THSD7B: variants seen among roughly 807,000 people sequenced by gnomAD.
THSD7B encodes the protein thrombospondin type-1 domain-containing protein 7B.
THSD7B carries 138 observed loss-of-function variants against 213.6 expected under a neutral mutation model. The observed-to-expected ratio is 0.65, with a 90% CI of 0.56 to 0.74. THSD7B has a LOEUF of 0.74. Among genes scored for constraint, THSD7B ranks in the 30% least tolerant of loss-of-function variants. The pLI, the probability that THSD7B is intolerant of heterozygous loss-of-function variation, is 0.00. For synonymous variants in THSD7B, 742 were observed against 687.0 expected (o/e 1.08, Z -1.25); for missense variants, 1,931 against 1,991.5 (o/e 0.97, Z 0.58).
intron 10 of THSD7B, among the ~76,000 whole-genome samples, chr2:137,255,903 G>A (rs1573915022): frequency 1.3e-5 from 2 of 152,158 alleles, no homozygotes; most frequent in East Asian, 3.9e-4. Flanking sequence ...GCCCAGGATG[G>A]TCTCAAACTC....
At chr2:137,006,559 T>C (rs1193677393) in intron 2 of THSD7B, among the ~76,000 whole-genome samples, 1 of 152,132 alleles carries the variant, frequency 6.6e-6, no homozygotes, top group Admixed American at 6.5e-5. Flanking sequence ...GCTTGACAAG[T>C]CTCTTCTATA....
chr2:137,311,110 C>A (rs1307090916), intron 12 of THSD7B, among the ~76,000 whole-genome samples: 1 of 151,122 alleles, frequency 6.6e-6, no homozygotes, highest in African/African-American at 2.4e-5. Context: ...TGGCCATTTT[C>A]ACGATATTGA....
intron 14 of THSD7B, among the ~76,000 whole-genome samples, chr2:137,433,434 A>G (rs979888126): frequency 2.6e-5 from 4 of 151,930 alleles, no homozygotes; most frequent in Admixed American, 6.6e-5. Context: ...TCTGCTCTCA[A>G]CAATCTCCAC....
Position 137,229,248 on chromosome 2 carries a change from T to C in THSD7B, c.1724-1796T>C, listed in dbSNP as rs145906963. ...TTTAAAGTATTTTGTGCACAGATTA[T>C]GTTAATAATATTCACAAGTGTGGAA... On this transcript the variant is annotated intron_variant, in intron 7 of 27. Transcript: ENST00000409968. 3.3e-4 allele frequency among the ~76,000 whole-genome samples: 50 copies of C among 152,320 alleles called. No homozygotes were observed. The East Asian group carries it at 9.3e-3, about 28-fold the overall frequency.
intron 3 of THSD7B, among the ~76,000 whole-genome samples, chr2:137,064,680 T>C (rs941698728): frequency 2.0e-5 from 3 of 152,010 alleles, no homozygotes; most frequent in Admixed American, 2.0e-4. Context: ...TTTGATTTTT[T>C]TGTATGGTGA....
intron 1 of THSD7B, among the ~76,000 whole-genome samples, chr2:136,818,470 T>C (rs907381861): frequency 2.1e-4 from 31 of 151,200 alleles, no homozygotes; most frequent in Admixed American, 1.1e-3. Flanking sequence ...GTGGGTGCAG[T>C]GCACCAGCAT....
chr2:137,473,547 A>G (rs185504337), intron 15 of THSD7B, among the ~76,000 whole-genome samples: 1 of 152,180 alleles, frequency 6.6e-6, no homozygotes, highest in Non-Finnish European at 1.5e-5. Context: ...CAAGTCCTTC[A>G]TATCAAGAGA....
chr2:137,424,200 A>T (rs1429424378), intron 14 of THSD7B, among the ~76,000 whole-genome samples: 2 of 152,086 alleles, frequency 1.3e-5, no homozygotes, highest in African/African-American at 4.8e-5. Flanking sequence ...CTAAAATTAT[A>T]AAAAAATTAT....
chr2:137,213,660 A>G (rs10173777), intron 7 of THSD7B, among the ~76,000 whole-genome samples: 90,574 of 151,650 alleles, frequency 0.6, 27,468 homozygotes, highest in South Asian at 0.71. Flanking sequence ...TATCCCTAGT[A>G]TTCTCCCTGT....
At chr2:137,646,021 A>T (rs1300143241) in intron 21 of THSD7B, among the ~76,000 whole-genome samples, 1 of 152,242 alleles carries the variant, frequency 6.6e-6, no homozygotes, top group African/African-American at 2.4e-5. Flanking sequence ...ATTTAGATTT[A>T]AAATTATGGT....
chr2:137,079,410 T>C (rs940654945), intron 3 of THSD7B, among the ~76,000 whole-genome samples: 1 of 152,220 alleles, frequency 6.6e-6, no homozygotes, highest in Non-Finnish European at 1.5e-5. Context: ...ATATGGTGCA[T>C]AGATATTCAA....
chr2:136,913,435 T>C (rs1573706956), intron 2 of THSD7B, among the ~76,000 whole-genome samples: 1 of 152,234 alleles, frequency 6.6e-6, no homozygotes, highest in African/African-American at 2.4e-5. Flanking sequence ...TTAACGTAAG[T>C]AGCAAGGAGC....
intron 12 of THSD7B, among the ~76,000 whole-genome samples, chr2:137,325,822 G>C (rs558418331): frequency 2.6e-5 from 4 of 152,236 alleles, no homozygotes; most frequent in Admixed American, 6.5e-5. Flanking sequence ...TGTCTGCTTC[G>C]CAGTGCTTCT....
rs2104863152 is a variant in THSD7B, at chr2:137,312,112, T to A, written c.2500+36086T>A. Among the ~76,000 whole-genome samples the A allele has an allele frequency of 1.3e-5, 2 of 151,696 alleles. 1 individual carries two copies. Among genetic ancestry groups the A allele is most frequent in the South Asian group, 4.2e-4 (2 of 4,806 alleles). ...GTTCCTCCTTGTACCTCTGGTAGAA[T>A]TCGGCTGTGAATCCATCTGGTCCTG... On this transcript the variant is annotated intron_variant, in intron 12 of 27. Transcript: ENST00000409968.
chr2:137,086,565 A>G (rs1455696080), intron 3 of THSD7B, among the ~76,000 whole-genome samples: 4 of 152,198 alleles, frequency 2.6e-5, no homozygotes, highest in Non-Finnish European at 4.4e-5. Context: ...AATATTCTTA[A>G]CTTAATCACC....
intron 2 of THSD7B, among the ~76,000 whole-genome samples, chr2:136,970,568 G>T (rs550836550): frequency 6.6e-6 from 1 of 152,198 alleles, no homozygotes; most frequent in Admixed American, 6.5e-5. Flanking sequence ...ATCAATTTGA[G>T]AAGTCCAAAA....
chr2:137,667,738 A>G, intron 26 of THSD7B, 36 bp from the exon 27 acceptor site: 1 of 1,539,712 alleles, frequency 6.5e-7, no homozygotes, highest in Non-Finnish European at 8.9e-7. Flanking sequence ...AGACTTCTGT[A>G]TGCTAAGCTT....
chr2:137,316,952 G>C (rs9287472), intron 12 of THSD7B, among the ~76,000 whole-genome samples: 1 of 151,972 alleles, frequency 6.6e-6, no homozygotes, highest in African/African-American at 2.4e-5. Flanking sequence ...TGAGTTGGTA[G>C]GTTCTGACAT....
At chr2:137,620,565 A>G in intron 19 of THSD7B, 44 bp from the exon 20 acceptor site, 1 of 1,474,274 alleles carries the variant, frequency 6.8e-7, no homozygotes, top group Non-Finnish European at 9.5e-7. Flanking sequence ...ATTTGACTAA[A>G]GAGTGATTTC....
Sources: gnomAD v4.1 joint callset for allele counts (sites outside exome capture counted in the v4.1 genomes callset) on GRCh38, gnomAD v4.1.1 for gene constraint, MANE v1.5 for transcripts, NCBI Gene and HGNC (gene_info 2026-07-23, HGNC 2026-07-21) for gene names.